The following TYW1B variants were observed in gnomAD, a reference collection of about 807,000 sequenced individuals.
TYW1B encodes tRNA-yW synthesizing protein 1 homolog B, also known as S-adenosyl-L-methionine-dependent tRNA 4-demethylwyosine synthase TYW1B.
A neutral mutation model predicts 86.9 loss-of-function variants in TYW1B; 73 were observed. The ratio of observed to expected loss-of-function variants is 0.84; its 90% confidence interval spans 0.70 to 1.02. The LOEUF is 1.02. Among genes scored for constraint, TYW1B ranks in the 50% least tolerant of loss-of-function variants. TYW1B has a pLI of 0.00. For missense variants in TYW1B, 637 were observed against 827.4 expected, an observed-to-expected ratio of 0.77 and a Z score of 2.82; for synonymous variants, 248 against 292.8, an observed-to-expected ratio of 0.85 and a Z score of 1.56.
rs1273645765 is a variant in TYW1B at position 72,787,187 on chromosome 7, C to T, written c.847-9654G>A. Among the ~76,000 whole-genome samples the T allele has an allele frequency of 2.6e-5, 4 of 152,082 alleles. No homozygotes were observed. The South Asian group carries it at 8.3e-4, about 31-fold the overall frequency. On this transcript the variant is annotated intron_variant, in intron 6 of 13. Transcript: ENST00000620995. ...TATAAGCAAATTTAAAATGTCTAAGCAAGACCAGGCCCGGTGGCTATCCTA... is the reference window on the plus strand; with the variant it reads ...TATAAGCAAATTTAAAATGTCTAAGTAAGACCAGGCCCGGTGGCTATCCTA...
In TYW1B at chr7:72,827,809, G is replaced by C. The variant is rs562224031; in HGVS notation, c.4+263C>G. 6.6e-5 allele frequency among the ~76,000 whole-genome samples: 10 copies of C among 152,228 alleles called. No individual in the cohort carries two copies. In the South Asian group the frequency reaches 2.1e-3, roughly 32 times the overall value. ...TCAAAAGTCGAAGCCTGAAATTTAG[G>C]CTTTACAGGTGCAAAAGTCCTAATA... On this transcript the variant is annotated intron_variant, in intron 1 of 13. Transcript: ENST00000620995.
rs377654652 is a variant in TYW1B at position 72,649,929 on chromosome 7, G to A, written c.1507-20932C>T. On this transcript the variant is annotated intron_variant, in intron 11 of 13. Transcript: ENST00000620995. ...TTTTGAGACAGAGTCTTGCTCTGTC[G>A]CCCAGACTGGAGTGCAGCGGTGCAA... Among the ~76,000 whole-genome samples the A allele has an allele frequency of 7.1e-3, 1,080 of 152,062 alleles. 17 individuals are homozygous for A. The highest frequency in any genetic ancestry group is 0.025 in the African/African-American group (1,029 of 41,484).
At chr7:72,654,034 CAT>C (rs1813140029) in intron 11 of TYW1B, among the ~76,000 whole-genome samples, 1 of 147,794 alleles carries the variant, frequency 6.8e-6, no homozygotes, top group Admixed American at 6.8e-5. Context: ...GAGCTAAGAG[CAT>C]GCCACTGCAC....
chr7:72,749,379 T>C lies in TYW1B; in HGVS notation c.965-4778A>G, dbSNP rs528123512. On this transcript the variant is annotated intron_variant, in intron 7 of 13. Transcript: ENST00000620995. Reference sequence around the variant, plus strand: ...CACGATCTCGGCTCACTGCAAGCTCTGCCTCTTGGGTTCACGCCATTCTCC... The same window carrying C: ...CACGATCTCGGCTCACTGCAAGCTCCGCCTCTTGGGTTCACGCCATTCTCC... Among the ~76,000 whole-genome samples the C allele has an allele frequency of 6.6e-5, 10 of 152,248 alleles. No individual in the cohort carries two copies. The South Asian group carries it at 1.4e-3, about 22-fold the overall frequency.
intron 7 of TYW1B, among the ~76,000 whole-genome samples, chr7:72,745,164 A>G (rs1787373489): frequency 6.6e-6 from 1 of 152,138 alleles, no homozygotes; most frequent in Non-Finnish European, 1.5e-5. Flanking sequence ...AGCTGGGACT[A>G]TGGGTGTGAG....
chr7:72,587,863 A>G lies in TYW1B; in HGVS notation c.1786-12144T>C, dbSNP rs544159055. On this transcript the variant is annotated intron_variant, in intron 13 of 13. Coordinates refer to ENST00000620995, the MANE Select transcript of TYW1B (RefSeq NM_001145440.3). ...GTTCAGTCTACACCCAAGAATGAAG[A>G]AGGACAGCTTGGGGGTTAGAAGCAA... Among the ~76,000 whole-genome samples, 51 of 152,322 alleles carry G rather than the reference A, an allele frequency of 3.3e-4. 1 individual carries two copies. Among genetic ancestry groups the G allele is most frequent in the African/African-American group, 1.2e-3 (51 of 41,578 alleles).
chr7:72,804,618 A>G (rs1788462735), intron 5 of TYW1B, among the ~76,000 whole-genome samples: 1 of 152,344 alleles, frequency 6.6e-6, no homozygotes, highest in Non-Finnish European at 1.5e-5. Context: ...CAGGAGGATC[A>G]CTTGAGCTCA....
In TYW1B at chr7:72,700,046, G is replaced by A. The variant is rs868916893; in HGVS notation, c.1371-5224C>T. On this transcript the variant is annotated intron_variant, in intron 10 of 13. Transcript: ENST00000620995. ...TGGAGATATTCCATAAAATACAGTG[G>A]ATAAACTGTATTGTCTTTCTAAAAT... 7.2e-5 allele frequency among the ~76,000 whole-genome samples: 11 copies of A among 151,794 alleles called. No homozygotes were observed. In the South Asian group the frequency reaches 1.2e-3, roughly 17 times the overall value.
chr7:72,787,141 A>G (rs1464867163), intron 6 of TYW1B, among the ~76,000 whole-genome samples: 1 of 152,086 alleles, frequency 6.6e-6, no homozygotes, highest in African/African-American at 2.4e-5. Context: ...AGCACATCAA[A>G]TGACCAACTC....
intron 6 of TYW1B, among the ~76,000 whole-genome samples, chr7:72,792,278 G>C (rs57412352): frequency 0.69 from 103,836 of 150,450 alleles, 36,586 homozygotes; most frequent in Non-Finnish European, 0.77. Flanking sequence ...AGTGGGCCGA[G>C]ATCACACTAC....
intron 7 of TYW1B, among the ~76,000 whole-genome samples, chr7:72,764,175 T>C (rs1554467895): frequency 2.0e-5 from 3 of 152,230 alleles, no homozygotes; most frequent in Non-Finnish European, 4.4e-5. Context: ...ATCTTAACCA[T>C]GGCTTTCCTA....
chr7:72,611,349 C>T (rs1408437317), intron 13 of TYW1B, among the ~76,000 whole-genome samples: 2 of 152,122 alleles, frequency 1.3e-5, no homozygotes, highest in African/African-American at 4.8e-5. Context: ...ACCCAAATCT[C>T]ACCTTGAATG....
chr7:72,753,209 A>T (rs1299507569), intron 7 of TYW1B, among the ~76,000 whole-genome samples: 1 of 152,142 alleles, frequency 6.6e-6, no homozygotes, highest in African/African-American at 2.4e-5. Flanking sequence ...TGATTTTACA[A>T]ACTCTAATTA....
At chr7:72,717,707 A>C (rs2129570796) in intron 9 of TYW1B, among the ~76,000 whole-genome samples, 1 of 151,866 alleles carries the variant, frequency 6.6e-6, no homozygotes, top group Admixed American at 6.6e-5. Flanking sequence ...TTCCTCCTAC[A>C]CCTTAGAAAT....
At chr7:72,796,484 C>A (rs1788307268) in intron 6 of TYW1B, among the ~76,000 whole-genome samples, 1 of 150,872 alleles carries the variant, frequency 6.6e-6, no homozygotes, top group Non-Finnish European at 1.5e-5. Flanking sequence ...GATCCACCCA[C>A]CTCGGTCTCC....
chr7:72,580,177 C>T (rs1168629284), intron 13 of TYW1B, among the ~76,000 whole-genome samples: 1 of 152,174 alleles, frequency 6.6e-6, no homozygotes, highest in Non-Finnish European at 1.5e-5. Context: ...AAAGACAAAA[C>T]TGAACCACAT....
At chr7:72,796,363 C>T (rs1479095921) in intron 6 of TYW1B, among the ~76,000 whole-genome samples, 2 of 105,364 alleles carry the variant, frequency 1.9e-5, no homozygotes, top group Non-Finnish European at 4.0e-5. Flanking sequence ...CCTGCCTCAG[C>T]CTCCCGAGTA....
intron 13 of TYW1B, among the ~76,000 whole-genome samples, chr7:72,611,250 C>T (rs1554435863): frequency 1.3e-5 from 2 of 152,154 alleles, no homozygotes; most frequent in African/African-American, 4.8e-5. Flanking sequence ...TCTGATTACA[C>T]TTCTCAGCAC....
At chr7:72,801,189 C>T (rs1421161299) in intron 6 of TYW1B, among the ~76,000 whole-genome samples, 2 of 152,026 alleles carry the variant, frequency 1.3e-5, no homozygotes, top group Non-Finnish European at 2.9e-5. Context: ...ATTAGCTCAG[C>T]GTGGTGGTGT....
Sources: allele counts gnomAD v4.1 joint callset (sites outside exome capture counted in the v4.1 genomes callset), GRCh38; gene constraint gnomAD v4.1.1; transcripts MANE v1.5; gene names NCBI Gene and HGNC (gene_info 2026-07-23, HGNC 2026-07-21).